KIF1A: variants seen among roughly 807,000 people sequenced by gnomAD.
The protein encoded by KIF1A is kinesin-like protein KIF1A.
A neutral mutation model predicts 227.3 loss-of-function variants in KIF1A; 46 were observed. The ratio of observed to expected loss-of-function variants is 0.20; its 90% CI spans 0.16 to 0.26. The LOEUF is 0.26. Among genes scored for constraint, KIF1A ranks in the 10% least tolerant of loss-of-function variants. The pLI is 1.00. For synonymous variants in KIF1A, 1,022 were observed against 1,012.8 expected, an observed-to-expected ratio of 1.01 and a Z score of -0.17; for missense variants, 1,683 against 2,485.9, an observed-to-expected ratio of 0.68 and a Z score of 6.87.
chr2:240,806,388 A>C (rs2057407261), intron 1 of KIF1A, among the ~76,000 whole-genome samples: 1 of 152,252 alleles, frequency 6.6e-6, no homozygotes, highest in African/African-American at 2.4e-5. Flanking sequence ...ACAATTCTCA[A>C]AACTCACACA....
In KIF1A at chr2:240,715,787, G is replaced by C. The variant is rs1184803303; in HGVS notation, c.*1577C>G. On this transcript the variant is annotated 3_prime_UTR_variant, in exon 49 of 49. Transcript: ENST00000498729. ...GGGTAGGGGCCTCAGAACCAGTGGG[G>C]TGCTGCGTTTCCCCCACTCCAGGAG... 1 of 152,360 alleles carries C rather than the reference G, an allele frequency of 6.6e-6. No individual in the cohort carries two copies. Among genetic ancestry groups the C allele is most frequent in the African/African-American group, 2.4e-5 (1 of 41,440 alleles). 9.4% of individuals were successfully genotyped at this position (152,360 alleles called of 1,614,324 possible). A position where few individuals can be genotyped will look rare whatever the true frequency, so the allele number is the denominator to read the frequency against.
rs187933245 is a variant in KIF1A, at chr2:240,741,870, C to G, written c.3641-493G>C. 6.1e-4 allele frequency among the ~76,000 whole-genome samples: 93 copies of G among 152,348 alleles called. No homozygotes were observed. The East Asian group carries it at 0.018, about 29-fold the overall frequency. On this transcript the variant is annotated intron_variant, in intron 34 of 48. Transcript: ENST00000498729. ...CCTCAGCTCCCACTGACCCTCCACT[C>G]GTGTCCAGCTCCTGACAAACAGCCT...
intron 1 of KIF1A, among the ~76,000 whole-genome samples, chr2:240,801,235 A>G (rs1282792415): frequency 6.6e-6 from 1 of 152,196 alleles, no homozygotes; most frequent in East Asian, 1.9e-4. Context: ...CCTGACAAAT[A>G]TATTCAAAAT....
At chr2:240,817,316 G>C (rs2058402330) in intron 1 of KIF1A, among the ~76,000 whole-genome samples, 1 of 152,210 alleles carries the variant, frequency 6.6e-6, no homozygotes, top group African/African-American at 2.4e-5. Context: ...GTGATGGGCA[G>C]TGGGAGGTGA....
At chr2:240,786,710 A>AGTGAGGGGGTGGGGGCCACCATCAGGG (rs1559529661) in intron 5 of KIF1A, among the ~76,000 whole-genome samples, 197 bp from the exon 6 acceptor site, 1 of 105,602 alleles carries the variant, frequency 9.5e-6, no homozygotes, top group Non-Finnish European at 2.0e-5. Context: ...CAGCATCAGG[A>AGTGAGGGGGTGGGGGCCACCATCAGGG]CCCCTGAGTG....
intron 38 of KIF1A, among the ~76,000 whole-genome samples, chr2:240,729,574 C>A (rs1038088645): frequency 6.6e-6 from 1 of 152,332 alleles, no homozygotes; most frequent in Non-Finnish European, 1.5e-5. Context: ...AGGGGCTGCT[C>A]CTTAGGAGCA....
upstream of KIF1A, among the ~76,000 whole-genome samples, chr2:240,820,645 G>C (rs991253592): frequency 1.3e-5 from 2 of 151,204 alleles, no homozygotes; most frequent in Non-Finnish European, 3.0e-5. The surrounding 1 kb of genome is among the most constrained non-coding windows in gnomAD (Gnocchi z 6.2). Flanking sequence ...CCCCCGCTCT[G>C]AGCCAGCGAC....
At chr2:240,787,366 G>A (rs758751375) in intron 4 of KIF1A, 50 bp from the exon 5 acceptor site, 9 of 1,526,774 alleles carry the variant, frequency 5.9e-6, no homozygotes, top group South Asian at 1.1e-5. Context: ...GCTGCTCCCT[G>A]GATCCCTGCC....
At chr2:240,801,895 G>A (rs894427154) in intron 1 of KIF1A, among the ~76,000 whole-genome samples, 1 of 152,154 alleles carries the variant, frequency 6.6e-6, no homozygotes. Flanking sequence ...TGTTGTATCA[G>A]CTGGAATGGA....
intron 46 of KIF1A, 82 bp downstream of exon 46, chr2:240,719,692 C>G: frequency 7.1e-7 from 1 of 1,401,966 alleles, no homozygotes; most frequent in Non-Finnish European, 9.4e-7. Context: ...CCCTGTGCCC[C>G]CAGTATGGGG....
chr2:240,788,034 C>CCCCCCCCCCCTCG lies in KIF1A; in HGVS notation c.363+16_363+17insCGAGGGGGGGGGG. The CCCCCCCCCCCTCG allele has an allele frequency of 4.8e-6, 7 of 1,449,054 alleles. No homozygotes were observed. The highest frequency in any genetic ancestry group is 6.6e-6 in the Non-Finnish European group (7 of 1,059,094). 89.8% of individuals were successfully genotyped at this position (1,449,054 alleles called of 1,614,324 possible). ...CCCATCTGCCAGGGCTGCCCCCGCC[C>CCCCCCCCCCCTCG]GCCCCCCGCTTCGTGCCTGTGGGAT... On this transcript the variant is annotated intron_variant, in intron 4 of 48. Transcript: ENST00000498729. This position sits in a 1 kb window ranked among gnomAD's most constrained non-coding sequence, Gnocchi z 6.6.
chr2:240,720,807 C>T (rs575801172), intron 45 of KIF1A, 107 bp downstream of exon 45: 28 of 1,344,890 alleles, frequency 2.1e-5, no homozygotes, highest in East Asian at 7.8e-5. Flanking sequence ...CCAAGGCACT[C>T]GGCCATTGGG....
intron 27 of KIF1A, among the ~76,000 whole-genome samples, chr2:240,753,694 G>A (rs935216904): frequency 4.6e-5 from 7 of 152,170 alleles, no homozygotes; most frequent in South Asian, 2.1e-4. Flanking sequence ...GCCAGGGCAC[G>A]TCCTAATAAA....
intron 37 of KIF1A, among the ~76,000 whole-genome samples, chr2:240,738,338 G>GTGCA (rs2125730296): frequency 6.6e-6 from 1 of 152,290 alleles, no homozygotes; most frequent in East Asian, 1.9e-4. Flanking sequence ...GCCTCAAAGG[G>GTGCA]TGCACCCACC....
rs372835508 is a variant in KIF1A, at chr2:240,807,118, G to GTATATA, written c.-60-9307_-60-9306insTATATA. On this transcript the variant is annotated intron_variant, in intron 1 of 48. Coordinates refer to ENST00000498729, the MANE Select transcript of KIF1A (RefSeq NM_001244008.2). ...TGTGTGTGTGTGTGTGTGTGTGTGTGTGTGTGTGTGTGTATATATATATAT... is the reference window on the plus strand; with the variant it reads ...TGTGTGTGTGTGTGTGTGTGTGTGTGTATATATGTGTGTGTGTGTATATATATATAT... 6.0e-4 allele frequency among the ~76,000 whole-genome samples: 82 copies of GTATATA among 135,592 alleles called. 1 individual carries two copies. Among genetic ancestry groups the GTATATA allele is most frequent in the African/African-American group, 2.3e-3 (78 of 33,776 alleles). 89.0% of individuals were successfully genotyped at this position (135,592 alleles called of 152,430 possible).
rs1029917603 is a variant in KIF1A, at chr2:240,778,633, C to A, written c.883-2707G>T. Among the ~76,000 whole-genome samples, 1 of 151,644 alleles carries A rather than the reference C, an allele frequency of 6.6e-6. No individual in the cohort carries two copies. The highest frequency in any genetic ancestry group is 6.6e-5 in the Admixed American group (1 of 15,218). ...GCCCCCGTCCCCACACAGCTCCCCA[C>A]CCCCTTCCACACACTTCCTCCCGGT... On this transcript the variant is annotated intron_variant, in intron 10 of 48. Transcript: ENST00000498729. The surrounding 1 kb of genome is among the most constrained non-coding windows in gnomAD (Gnocchi z 7.2).
At chr2:240,817,067 C>T (rs542508957) in intron 1 of KIF1A, among the ~76,000 whole-genome samples, 1 of 152,352 alleles carries the variant, frequency 6.6e-6, no homozygotes, top group South Asian at 2.1e-4. Flanking sequence ...GTGCCCCTGC[C>T]TCTGCCCAGG....
chr2:240,750,648 G>T, intron 27 of KIF1A, 101 bp from the exon 28 acceptor site: 1 of 872,036 alleles, frequency 1.1e-6, no homozygotes, highest in Admixed American at 2.1e-5. Flanking sequence ...ACATGGAGCT[G>T]CAAAGCAGAG....
At chr2:240,723,593 G>C (rs2045657265) in intron 41 of KIF1A, 35 bp from the exon 42 acceptor site, 2 of 1,508,444 alleles carry the variant, frequency 1.3e-6, no homozygotes, top group African/African-American at 1.4e-5. Flanking sequence ...ACCCCTACCT[G>C]ATGGGTGGCT....
Sources: gnomAD v4.1 joint callset for allele counts (sites outside exome capture counted in the v4.1 genomes callset) on GRCh38, gnomAD v4.1.1 for gene constraint, Gnocchi (gnomAD v3.1) non-coding constraint, MANE v1.5 for transcripts, NCBI Gene and HGNC (gene_info 2026-07-23, HGNC 2026-07-21) for gene names.